Variants in LINGO2 observed in about 807,000 individuals in gnomAD.
LINGO2 encodes leucine-rich repeat and immunoglobulin-like domain-containing nogo receptor-interacting protein 2.
LINGO2 carries 14 observed loss-of-function variants against 30.6 expected under a neutral mutation model. The observed-to-expected ratio is 0.46, with a 90% CI of 0.30 to 0.72. The LOEUF (loss-of-function observed/expected upper bound fraction) is 0.72. LINGO2 is among the 30% of genes least tolerant of loss of function. LINGO2 has a pLI of 0.07. For missense variants in LINGO2, 729 were observed against 751.7 expected, an observed-to-expected ratio of 0.97 and a Z score of 0.35; for synonymous variants, 317 against 288.5, an observed-to-expected ratio of 1.10 and a Z score of -1.00.
chr9:28,536,264 C>A (rs1821433966), intron 1 of LINGO2, among the ~76,000 whole-genome samples: 1 of 151,986 alleles, frequency 6.6e-6, no homozygotes, highest in Admixed American at 6.6e-5. Context: ...ACTATAATTT[C>A]TTTTACTCAC....
chr9:28,431,462 T>C (rs1823673859), intron 2 of LINGO2, among the ~76,000 whole-genome samples: 1 of 152,206 alleles, frequency 6.6e-6, no homozygotes, highest in Admixed American at 6.5e-5. Flanking sequence ...TTGGAAATGA[T>C]TGATCTATAG....
chr9:28,383,227 A>C (rs1821423697), intron 2 of LINGO2, among the ~76,000 whole-genome samples: 1 of 150,788 alleles, frequency 6.6e-6, no homozygotes, highest in Non-Finnish European at 1.5e-5. Context: ...TCATTTCTAA[A>C]ATTGAAACAC....
At chr9:29,102,359 G>T in the LINGO2 span, among the ~76,000 whole-genome samples, 1 of 152,136 alleles carries the variant, frequency 6.6e-6, no homozygotes, top group Non-Finnish European at 1.5e-5. Context: ...GGGATTACAG[G>T]CGTGAGCCAC....
At chr9:29,179,178 T>C in the LINGO2 span, among the ~76,000 whole-genome samples, 1 of 135,798 alleles carries the variant, frequency 7.4e-6, no homozygotes, top group Non-Finnish European at 1.6e-5. Flanking sequence ...TATATATATA[T>C]ATATATATAT....
At chr9:28,267,625 C>T (rs369775149) in intron 4 of LINGO2, among the ~76,000 whole-genome samples, 62 of 152,008 alleles carry the variant, frequency 4.1e-4, no homozygotes, top group African/African-American at 1.4e-3. Flanking sequence ...CCTTAATCTT[C>T]ACCTGACAAA....
At position 28,148,517 on chromosome 9, in the gene LINGO2, C is replaced by T; in HGVS notation, c.-86-136112G>A. On this transcript the variant is annotated intron_variant, in intron 4 of 5. Transcript: ENST00000379992. This position sits in a 1 kb window ranked among gnomAD's most constrained non-coding sequence, Gnocchi z 5.1. The stretch of plus-strand genomic sequence containing the variant: ...GGGGCAGGAGGACAATAAAAGGGGC[C>T]CCTGTAGCAATGGGGAAGCAGCTTC... 3 of 1,475,428 alleles carry T rather than the reference C, an allele frequency of 2.0e-6. No homozygotes were observed. Among genetic ancestry groups the T allele is most frequent in the Non-Finnish European group, 2.7e-6 (3 of 1,093,210 alleles). The allele number at this position is 1,475,428 out of a possible 1,614,324, so 91.4% of individuals were successfully genotyped here.
intron 5 of LINGO2, among the ~76,000 whole-genome samples, chr9:27,969,747 G>A (rs1246272037): frequency 6.6e-6 from 1 of 152,062 alleles, no homozygotes; most frequent in Non-Finnish European, 1.5e-5. Context: ...AACCCTGAGT[G>A]GTAGGTGGCA....
intron 5 of LINGO2, among the ~76,000 whole-genome samples, chr9:27,990,462 ACC>A (rs10671360): frequency 3.4e-5 from 4 of 118,050 alleles, no homozygotes; most frequent in East Asian, 2.5e-4. Context: ...TGGTCTCAAT[ACC>A]CCCCCCCCTT....
the LINGO2 span, among the ~76,000 whole-genome samples, chr9:28,839,465 C>T: frequency 6.6e-6 from 1 of 152,098 alleles, no homozygotes; most frequent in Non-Finnish European, 1.5e-5. Context: ...CAGATTGTCC[C>T]ATCAAGTATG....
At chr9:28,288,957 C>G (rs1823619924) in intron 4 of LINGO2, among the ~76,000 whole-genome samples, 1 of 152,144 alleles carries the variant, frequency 6.6e-6, no homozygotes, top group Middle Eastern at 3.2e-3. Context: ...TATATCCTGT[C>G]TTTATAGCTT....
chr9:28,731,808 G>C, the LINGO2 span, among the ~76,000 whole-genome samples: 1 of 152,080 alleles, frequency 6.6e-6, no homozygotes, highest in Non-Finnish European at 1.5e-5. Context: ...CTGTGATACT[G>C]TACCATAATT....
intron 2 of LINGO2, among the ~76,000 whole-genome samples, chr9:28,432,864 T>C (rs894311522): frequency 3.3e-5 from 5 of 152,128 alleles, no homozygotes; most frequent in Non-Finnish European, 5.9e-5. Context: ...TTCAATTTAT[T>C]ATCAGCCATA....
chr9:28,613,117 G>A (rs764205894), intron 1 of LINGO2, among the ~76,000 whole-genome samples: 3 of 152,030 alleles, frequency 2.0e-5, no homozygotes, highest in Admixed American at 1.3e-4. Context: ...ATGATGATAA[G>A]TTTCCTGAGA....
At chr9:28,438,627 A>C (rs1824053561) in intron 2 of LINGO2, among the ~76,000 whole-genome samples, 1 of 152,088 alleles carries the variant, frequency 6.6e-6, no homozygotes, top group African/African-American at 2.4e-5. Flanking sequence ...GCATATCTAC[A>C]TATGTCCTAT....
intron 5 of LINGO2, among the ~76,000 whole-genome samples, chr9:27,970,330 T>A (rs1820295125): frequency 6.6e-6 from 1 of 152,170 alleles, no homozygotes. Flanking sequence ...GGGGGATCTG[T>A]TATAAATACT....
chr9:28,694,263 G>A, the LINGO2 span, among the ~76,000 whole-genome samples: 10 of 151,768 alleles, frequency 6.6e-5, no homozygotes, highest in African/African-American at 2.2e-4. Flanking sequence ...GTAGACAAAT[G>A]TTAATAATAA....
chr9:28,771,658 A>G, the LINGO2 span, among the ~76,000 whole-genome samples: 1 of 152,172 alleles, frequency 6.6e-6, no homozygotes, highest in Non-Finnish European at 1.5e-5. Flanking sequence ...TTAAAGGGGA[A>G]TAATAAAATA....
intron 1 of LINGO2, among the ~76,000 whole-genome samples, chr9:28,582,746 C>T (rs563696649): frequency 6.6e-6 from 1 of 152,188 alleles, no homozygotes; most frequent in African/African-American, 2.4e-5. Context: ...AAACGCAGCT[C>T]TCCTTTACAG....
chr9:28,068,424 C>G (rs935701402), intron 4 of LINGO2, among the ~76,000 whole-genome samples: 1 of 152,046 alleles, frequency 6.6e-6, no homozygotes, highest in Non-Finnish European at 1.5e-5. Context: ...GGGCAGTAAT[C>G]TCATCATAAG....
Sources: allele counts gnomAD v4.1 joint callset (sites outside exome capture counted in the v4.1 genomes callset), GRCh38; gene constraint gnomAD v4.1.1; non-coding constraint Gnocchi (gnomAD v3.1); transcripts MANE v1.5; gene names NCBI Gene and HGNC (gene_info 2026-07-23, HGNC 2026-07-21).